The following DOCK7 variants were observed in gnomAD, a reference collection of about 807,000 sequenced individuals.
The protein encoded by DOCK7 is dedicator of cytokinesis 7, also known as dedicator of cytokinesis protein 7.
Under a neutral mutation model 271.0 loss-of-function variants are expected in DOCK7, and 138 were observed. The observed-to-expected ratio is 0.51, with a 90% CI of 0.44 to 0.59. The LOEUF (loss-of-function observed/expected upper bound fraction) is 0.59, where lower values mean the gene tolerates loss of function less well. Ranked by LOEUF, DOCK7 falls within the 20% of genes least tolerant of loss-of-function variation. The pLI, the probability that DOCK7 is intolerant of heterozygous loss-of-function variation, is 0.00. For synonymous variants in DOCK7, 823 were observed against 876.1 expected, an observed-to-expected ratio of 0.94 and a Z score of 1.07; for missense variants, 2,066 against 2,592.4, an observed-to-expected ratio of 0.80 and a Z score of 4.41.
At chr1:62,664,570 T>C (rs1408445494) in intron 1 of DOCK7, among the ~76,000 whole-genome samples, 1 of 152,010 alleles carries the variant, frequency 6.6e-6, no homozygotes, top group Non-Finnish European at 1.5e-5. Context: ...ACAAAAAAAC[T>C]CCTACACGGG....
At chr1:62,508,620 C>T (rs534080120) in intron 34 of DOCK7, among the ~76,000 whole-genome samples, 2 of 151,990 alleles carry the variant, frequency 1.3e-5, no homozygotes, top group East Asian at 1.9e-4. Context: ...TGTGAGGTGA[C>T]GAATATGCTA....
At chr1:62,654,189 T>C in intron 2 of DOCK7, 30 bp from the exon 3 acceptor site, 2 of 1,573,834 alleles carry the variant, frequency 1.3e-6, no homozygotes, top group Non-Finnish European at 8.6e-7. Context: ...AAGAGATGGG[T>C]AGAAAACAAG....
At chr1:62,630,053 T>C (rs1270469991) in intron 11 of DOCK7, among the ~76,000 whole-genome samples, 1 of 152,160 alleles carries the variant, frequency 6.6e-6, no homozygotes, top group Non-Finnish European at 1.5e-5. Flanking sequence ...CAGCAGTAAC[T>C]TAAGCAAGCC....
At position 62,543,585 on chromosome 1, in the gene DOCK7, A is replaced by C. The variant is rs1645604775; in HGVS notation, c.2949+71T>G. Reference sequence around the variant, plus strand: ...GTAAGTATCTCATACTGGTTATGTAAAGAAATCTTACATCTATTTAATTGG... The same window carrying C: ...GTAAGTATCTCATACTGGTTATGTACAGAAATCTTACATCTATTTAATTGG... On this transcript the variant is annotated intron_variant, in intron 24 of 49. Coordinates refer to ENST00000635253, the MANE Select transcript of DOCK7 (RefSeq NM_001367561.1). 4 of 1,193,548 alleles carry C rather than the reference A, an allele frequency of 3.4e-6. No homozygotes were observed. The South Asian group carries it at 4.1e-5, about 12-fold the overall frequency. The allele number at this position is 1,193,548 out of a possible 1,614,324, so 73.9% of individuals were successfully genotyped here.
At chr1:62,565,448 A>G (rs1367569778) in intron 18 of DOCK7, among the ~76,000 whole-genome samples, 1 of 152,170 alleles carries the variant, frequency 6.6e-6, no homozygotes, top group African/African-American at 2.4e-5. Context: ...AAACAGAACC[A>G]ATGACAAAAA....
At chr1:62,513,991 C>T in intron 31 of DOCK7, 93 bp from the exon 32 acceptor site, 1 of 1,147,524 alleles carries the variant, frequency 8.7e-7, no homozygotes, top group Non-Finnish European at 1.2e-6. Flanking sequence ...AACAATAAAA[C>T]AAAAGTTGCT....
At chr1:62,564,634 T>G (rs1441275875) in intron 18 of DOCK7, among the ~76,000 whole-genome samples, 2 of 151,664 alleles carry the variant, frequency 1.3e-5, no homozygotes, top group Admixed American at 6.6e-5. Flanking sequence ...ACATCACAAT[T>G]AAAAGAACTA....
At chr1:62,521,969 T>C (rs953129130) in intron 31 of DOCK7, among the ~76,000 whole-genome samples, 3 of 151,846 alleles carry the variant, frequency 2.0e-5, no homozygotes, top group Admixed American at 6.6e-5. Flanking sequence ...CAGCGAGATA[T>C]CATCTCAAAA....
At chr1:62,568,605 TA>T (rs549578355) in intron 18 of DOCK7, among the ~76,000 whole-genome samples, 293 of 46,270 alleles carry the variant, frequency 6.3e-3, no homozygotes, top group African/African-American at 0.016. Flanking sequence ...GTGCCCTGCC[TA>T]AAAAAAAAAA....
intron 29 of DOCK7, among the ~76,000 whole-genome samples, chr1:62,531,138 C>T (rs149140416): frequency 1.3e-5 from 2 of 152,262 alleles, no homozygotes; most frequent in East Asian, 3.9e-4. Flanking sequence ...CCCCAGATTC[C>T]TCATCATTAT....
intron 4 of DOCK7, among the ~76,000 whole-genome samples, chr1:62,652,935 A>T (rs1571909619): frequency 6.6e-6 from 1 of 152,146 alleles, no homozygotes; most frequent in East Asian, 1.9e-4. Context: ...ATTTAGCACA[A>T]TGTAAAGCCT....
At chr1:62,680,591 G>T (rs1661012058) in intron 1 of DOCK7, among the ~76,000 whole-genome samples, 1 of 152,014 alleles carries the variant, frequency 6.6e-6, no homozygotes, top group African/African-American at 2.4e-5. Context: ...TACCATCAGA[G>T]TGAACAGGCA....
In DOCK7 at chr1:62,518,681, A is replaced by T. The variant is rs143780678; in HGVS notation, c.3937-4783T>A. Among the ~76,000 whole-genome samples, 1,300 of 152,172 alleles carry T rather than the reference A, an allele frequency of 8.5e-3. 6 individuals are homozygous for T. Among genetic ancestry groups the T allele is most frequent in the Non-Finnish European group, 0.013 (897 of 68,002 alleles). Reference sequence around the variant, plus strand: ...CTTGAACCTGGGAGGCAGAGCCTGCAGTTAGCCAAGACTGCACCACTGCAC... The same window carrying T: ...CTTGAACCTGGGAGGCAGAGCCTGCTGTTAGCCAAGACTGCACCACTGCAC... On this transcript the variant is annotated intron_variant, in intron 31 of 49. Coordinates refer to ENST00000635253, the MANE Select transcript of DOCK7 (RefSeq NM_001367561.1).
chr1:62,612,748 G>A (rs570942929), intron 14 of DOCK7, among the ~76,000 whole-genome samples: 5 of 152,218 alleles, frequency 3.3e-5, no homozygotes, highest in African/African-American at 9.6e-5. Flanking sequence ...AAATCCTTTT[G>A]TTTCTCACCC....
At position 62,535,520 on chromosome 1, in the gene DOCK7, G is replaced by A. The variant is rs1199336037; in HGVS notation, c.3584C>T (p.Ala1195Val). 2 of 1,613,870 alleles carry A rather than the reference G, an allele frequency of 1.2e-6. No individual in the cohort carries two copies. The highest frequency in any genetic ancestry group is 2.7e-5 in the African/African-American group (2 of 74,932). The change falls in exon 29 of 50, where the codon GCT becomes GTT. Residue 1195 changes from alanine to valine, a missense_variant. Physicochemically the swap from Ala to Val is moderately conservative, Grantham distance 64. Transcript: ENST00000635253. The part of the protein sequence containing the change: ...YLAGLVLTEL[A>V]VILDPDAEGL... ...TTCAGCATCAGGGTCTAAAATGACA[G>A]CCAGCTCTGTTAACACAAGTCCTGC...
chr1:62,524,931 C>CTATATA (rs147371901), intron 31 of DOCK7, among the ~76,000 whole-genome samples: 1,377 of 103,556 alleles, frequency 0.013, 162 homozygotes, highest in African/African-American at 0.054. Flanking sequence ...ACCAACCAAA[C>CTATATA]TATATATATA....
chr1:62,688,217 G>C lies in DOCK7; in HGVS notation c.38+10C>G, dbSNP rs1309604372. On this transcript the variant is annotated intron_variant, in intron 1 of 49. Transcript: ENST00000635253. ...CGGCGGCGGCGGCGCGCCCCACGCC[G>C]GATATTTACCTGCTGATCTTCTGGG... is the stretch of plus-strand genomic sequence containing the variant. 18 of 1,379,506 alleles carry C rather than the reference G, an allele frequency of 1.3e-5. No individual in the cohort carries two copies. The highest frequency in any genetic ancestry group is 1.6e-5 in the Non-Finnish European group (17 of 1,054,400). 85.5% of individuals were successfully genotyped at this position (1,379,506 alleles called of 1,614,324 possible).
chr1:62,572,795 G>A (rs961029165), intron 18 of DOCK7, among the ~76,000 whole-genome samples: 3 of 152,010 alleles, frequency 2.0e-5, no homozygotes, highest in Non-Finnish European at 4.4e-5. Flanking sequence ...ATGATTTTTT[G>A]GGGGGAAACA....
At chr1:62,595,956 T>C (rs1229734563) in intron 14 of DOCK7, among the ~76,000 whole-genome samples, 1 of 152,000 alleles carries the variant, frequency 6.6e-6, no homozygotes, top group Admixed American at 6.6e-5. Context: ...TTGGAAATGG[T>C]TTATTTTGTA....
Sources: gnomAD v4.1 joint callset for allele counts (sites outside exome capture counted in the v4.1 genomes callset) on GRCh38, gnomAD v4.1.1 for gene constraint, MANE v1.5 for transcripts, NCBI Gene and HGNC (gene_info 2026-07-23, HGNC 2026-07-21) for gene names.